ETS1: variants seen among roughly 807,000 people sequenced by gnomAD.
ETS1 encodes protein C-ets-1.
A neutral mutation model predicts 58.6 loss-of-function variants in ETS1; 15 were observed. The observed-to-expected ratio is 0.26, with a 90% CI of 0.17 to 0.39. The LOEUF is 0.39. ETS1 is among the 10% of genes least tolerant of loss of function. The probability of loss-of-function intolerance (pLI) is 1.00; values close to 1 mark genes in which losing one functional copy is unlikely to be tolerated. For missense variants in ETS1, 417 were observed against 610.5 expected, an observed-to-expected ratio of 0.68 and a Z score of 3.34; for synonymous variants, 214 against 218.2, an observed-to-expected ratio of 0.98 and a Z score of 0.17.
chr11:128,538,382 C>A (rs1270514262), intron 3 of ETS1, among the ~76,000 whole-genome samples: 1 of 152,130 alleles, frequency 6.6e-6, no homozygotes, highest in Non-Finnish European at 1.5e-5. Flanking sequence ...ATTTTCAGAT[C>A]TGCATTCTTC....
At chr11:128,494,876 T>C (rs1173300509) in intron 3 of ETS1, among the ~76,000 whole-genome samples, 2 of 152,094 alleles carry the variant, frequency 1.3e-5, no homozygotes, top group African/African-American at 2.4e-5. Flanking sequence ...GGACAAGAAA[T>C]CCAAGGTGCA....
In ETS1 at chr11:128,520,437, G is replaced by A. The variant is rs568366368; in HGVS notation, c.215-29861C>T. ...CACATATAAACAAGCTGTTCTTAAG[G>A]AAAGGACCTATTAGTTGAGTTTATA... On this transcript the variant is annotated intron_variant, in intron 3 of 9. Transcript: ENST00000392668. 3.9e-5 allele frequency among the ~76,000 whole-genome samples: 6 copies of A among 152,302 alleles called. No homozygotes were observed. In the South Asian group the frequency reaches 6.2e-4, roughly 16 times the overall value.
intron 3 of ETS1, among the ~76,000 whole-genome samples, chr11:128,531,281 G>A (rs1442724918): frequency 1.3e-5 from 2 of 152,216 alleles, no homozygotes; most frequent in African/African-American, 2.4e-5. Flanking sequence ...TGCGGAAAGT[G>A]CCTAGTTCAC....
chr11:128,521,940 CT>C, intron 3 of ETS1: 1 of 1,607,240 alleles, frequency 6.2e-7, no homozygotes, highest in East Asian at 2.3e-5. Flanking sequence ...TCCAGATCGA[CT>C]TTTTCCGTCT....
Position 128,577,154 on chromosome 11 carries a change from G to A in ETS1, c.-14-4010C>T, listed in dbSNP as rs557436967. Among the ~76,000 whole-genome samples the A allele has an allele frequency of 2.6e-5, 4 of 152,280 alleles. No homozygotes were observed. In the South Asian group the frequency reaches 6.2e-4, roughly 24 times the overall value. On this transcript the variant is annotated intron_variant, in intron 1 of 9. Transcript: ENST00000392668. ...TTTTTAAATCAGTGAATGAGTAAAT[G>A]AATGAATTGGTCTCACAAGACTAAA...
intron 2 of ETS1, among the ~76,000 whole-genome samples, chr11:128,567,497 T>G (rs991426567): frequency 2.0e-5 from 3 of 152,264 alleles, no homozygotes; most frequent in Non-Finnish European, 4.4e-5. Flanking sequence ...AACAGTCTTT[T>G]GTTGGACAGT....
chr11:128,465,078 A>G (rs1861998477), intron 8 of ETS1, among the ~76,000 whole-genome samples: 1 of 152,190 alleles, frequency 6.6e-6, no homozygotes, highest in Non-Finnish European at 1.5e-5. Context: ...AAGTAAAGAA[A>G]CAGCTACTGA....
At chr11:128,563,844 G>A (rs1215605128) in intron 2 of ETS1, among the ~76,000 whole-genome samples, 1 of 152,162 alleles carries the variant, frequency 6.6e-6, no homozygotes, top group Non-Finnish European at 1.5e-5. Flanking sequence ...CAGTTATAGG[G>A]GCTCTCACCT....
chr11:128,529,899 A>G (rs1863868172), intron 3 of ETS1, among the ~76,000 whole-genome samples: 2 of 152,192 alleles, frequency 1.3e-5, no homozygotes, highest in African/African-American at 4.8e-5. Context: ...AGTAAAATGC[A>G]TAGCACTTTT....
At position 128,549,258 on chromosome 11, in the gene ETS1, C is replaced by T. The variant is rs1203183876; in HGVS notation, c.214+7033G>A. On this transcript the variant is annotated intron_variant, in intron 3 of 9. Coordinates refer to ENST00000392668, the MANE Select transcript of ETS1 (RefSeq NM_001143820.2). The surrounding 1 kb of genome is among the most constrained non-coding windows in gnomAD (Gnocchi z 4.3). ...CCCGCCCCCACCCTCCACTCTCACGCGCCCCTCGCCCCTCGCCCCTCGCCC... is the reference window on the plus strand; with the variant it reads ...CCCGCCCCCACCCTCCACTCTCACGTGCCCCTCGCCCCTCGCCCCTCGCCC... Among the ~76,000 whole-genome samples, 6 of 139,190 alleles carry T rather than the reference C, an allele frequency of 4.3e-5. No homozygotes were observed. The highest frequency in any genetic ancestry group is 8.9e-5 in the Non-Finnish European group (6 of 67,302). The allele number at this position is 139,190 out of a possible 152,430, so 91.3% of individuals were successfully genotyped here. A position where few individuals can be genotyped will look rare whatever the true frequency, so the allele number is the denominator to read the frequency against.
chr11:128,467,307 G>T (rs1478891446), intron 8 of ETS1, among the ~76,000 whole-genome samples: 1 of 152,154 alleles, frequency 6.6e-6, no homozygotes, highest in Non-Finnish European at 1.5e-5. Context: ...GGGTTGGAAG[G>T]CACACTGGCT....
intron 7 of ETS1, among the ~76,000 whole-genome samples, chr11:128,483,995 T>C (rs976212037): frequency 1.3e-5 from 2 of 152,204 alleles, no homozygotes; most frequent in Non-Finnish European, 1.5e-5. Context: ...TTTCTTACAA[T>C]AGATTGCATT....
At chr11:128,555,967 A>T (rs914524051) in intron 3 of ETS1, among the ~76,000 whole-genome samples, 1 of 152,256 alleles carries the variant, frequency 6.6e-6, no homozygotes, top group African/African-American at 2.4e-5. Flanking sequence ...CTGTTTATCC[A>T]GCTCAGACTC....
At chr11:128,571,979 G>A (rs1314496394) in intron 2 of ETS1, 1 of 152,050 alleles carries the variant, frequency 6.6e-6, no homozygotes, top group East Asian at 1.9e-4. Flanking sequence ...GGGAGGCACA[G>A]GTTGCAGTGA....
At chr11:128,487,803 A>C (rs1026694803) in intron 5 of ETS1, among the ~76,000 whole-genome samples, 19 of 152,136 alleles carry the variant, frequency 1.2e-4, no homozygotes, top group African/African-American at 4.6e-4. Flanking sequence ...GAAGAAAAGG[A>C]GATGAGTGAT....
At chr11:128,533,352 G>A (rs376465141) in intron 3 of ETS1, among the ~76,000 whole-genome samples, 9 of 152,252 alleles carry the variant, frequency 5.9e-5, no homozygotes, top group African/African-American at 2.2e-4. Flanking sequence ...CAGCCAAGGT[G>A]GCCATTTCTA....
intron 3 of ETS1, among the ~76,000 whole-genome samples, chr11:128,529,672 G>A (rs997829234): frequency 1.1e-4 from 17 of 152,224 alleles, no homozygotes; most frequent in African/African-American, 3.1e-4. Flanking sequence ...TTCCGTATAA[G>A]AGCCCCAAGA....
At chr11:128,526,591 A>G (rs761599368) in intron 3 of ETS1, 11 of 244,364 alleles carry the variant, frequency 4.5e-5, no homozygotes, top group African/African-American at 7.1e-5. Context: ...CCAGCGAGAG[A>G]TAGAACAACT....
chr11:128,463,422 A>T lies in ETS1; in HGVS notation c.1242+87T>A. On this transcript the variant is annotated intron_variant, in intron 9 of 9. Coordinates refer to ENST00000392668, the MANE Select transcript of ETS1 (RefSeq NM_001143820.2). The surrounding 1 kb of genome is among the most constrained non-coding windows in gnomAD (Gnocchi z 4.1). ...CAGAGCTGGGAATCCCAATCCTGGA[A>T]CACGTCATTCAGGCCCACGCCACCC... is the stretch of plus-strand genomic sequence containing the variant. 1.3e-6 allele frequency: 1 copy of T among 783,274 alleles called. No individual in the cohort carries two copies. Among genetic ancestry groups the T allele is most frequent in the Non-Finnish European group, 2.2e-6 (1 of 446,814 alleles). The allele number at this position is 783,274 out of a possible 1,614,324, so 48.5% of individuals were successfully genotyped here. A position where few individuals can be genotyped will look rare whatever the true frequency, so the allele number is the denominator to read the frequency against.
Sources: allele counts gnomAD v4.1 joint callset (sites outside exome capture counted in the v4.1 genomes callset), GRCh38; gene constraint gnomAD v4.1.1; non-coding constraint Gnocchi (gnomAD v3.1); transcripts MANE v1.5; gene names NCBI Gene and HGNC (gene_info 2026-07-23, HGNC 2026-07-21).